The following NPAS2 variants were observed in gnomAD, a reference collection of about 807,000 sequenced individuals.
NPAS2 encodes neuronal PAS domain-containing protein 2.
In NPAS2, 23 loss-of-function variants were observed where a neutral mutation model predicts 107.5. The observed-to-expected ratio is 0.21, with a 90% CI of 0.15 to 0.30. The LOEUF is 0.30. NPAS2 is among the 10% of genes least tolerant of loss of function. NPAS2 has a pLI of 1.00. For missense variants in NPAS2, 756 were observed against 1,043.3 expected (o/e 0.72, Z 3.79); for synonymous variants, 403 against 417.5 (o/e 0.97, Z 0.42).
At chr2:100,861,188 G>A (rs1228299648) in intron 1 of NPAS2, among the ~76,000 whole-genome samples, 3 of 152,132 alleles carry the variant, frequency 2.0e-5, no homozygotes, top group African/African-American at 7.2e-5. Context: ...TTTTCGAGAA[G>A]AGTGAGGCAC....
chr2:100,938,410 G>T (rs75349010), intron 5 of NPAS2, among the ~76,000 whole-genome samples: 3,560 of 152,210 alleles, frequency 0.023, 57 homozygotes, highest in Non-Finnish European at 0.039. Flanking sequence ...TGGACCAGGA[G>T]AGGGTCGGCT....
chr2:100,869,808 G>A (rs920391762), intron 1 of NPAS2, among the ~76,000 whole-genome samples: 3 of 151,998 alleles, frequency 2.0e-5, no homozygotes, highest in Admixed American at 6.6e-5. Flanking sequence ...GGCTTGGGCC[G>A]GGGCTCCCCT....
intron 15 of NPAS2, among the ~76,000 whole-genome samples, chr2:100,978,919 C>A (rs1234551342): frequency 6.6e-6 from 1 of 152,108 alleles, no homozygotes; most frequent in Non-Finnish European, 1.5e-5. Flanking sequence ...AGTGACAAAC[C>A]CTGCCCAGGC....
intron 2 of NPAS2, among the ~76,000 whole-genome samples, chr2:100,915,934 G>A (rs1156269593): frequency 3.9e-4 from 59 of 152,122 alleles, no homozygotes; most frequent in Admixed American, 3.8e-3. Context: ...TAGTACATAA[G>A]ACAATTGCAG....
At chr2:100,897,022 CG>C (rs1681455495) in intron 1 of NPAS2, among the ~76,000 whole-genome samples, 1 of 152,074 alleles carries the variant, frequency 6.6e-6, no homozygotes, top group African/African-American at 2.4e-5. Context: ...ACAATCATGG[CG>C]GAAGGGGAAG....
At chr2:100,827,929 T>C (rs547799477) in intron 1 of NPAS2, among the ~76,000 whole-genome samples, 2 of 152,344 alleles carry the variant, frequency 1.3e-5, no homozygotes, top group African/African-American at 4.8e-5. Flanking sequence ...TAGATACTAC[T>C]ATCAGTAGTG....
At chr2:100,886,584 C>T (rs572142145) in intron 1 of NPAS2, among the ~76,000 whole-genome samples, 19 of 152,152 alleles carry the variant, frequency 1.2e-4, no homozygotes, top group South Asian at 4.1e-4. Context: ...GTTCTCAGGT[C>T]TCACAGATGG....
chr2:100,979,494 ATATATATATTTT>A (rs1248320121), intron 15 of NPAS2, among the ~76,000 whole-genome samples: 4,983 of 72,266 alleles, frequency 0.069, 91 homozygotes, highest in East Asian at 0.2. Flanking sequence ...ATATATATAT[ATATATATATTTT>A]TTTTTTTTTT....
At chr2:100,952,057 C>A (rs1448973065) in intron 7 of NPAS2, among the ~76,000 whole-genome samples, 1 of 147,676 alleles carries the variant, frequency 6.8e-6, no homozygotes, top group Non-Finnish European at 1.5e-5. Flanking sequence ...GAGGCTGAGG[C>A]AGAAGAATGG....
chr2:100,990,109 A>G, intron 17 of NPAS2, 147 bp from the exon 18 acceptor site: 2 of 739,858 alleles, frequency 2.7e-6, no homozygotes, highest in South Asian at 3.4e-5. Context: ...GAAGACAGTC[A>G]CAGATCAAAG....
chr2:100,947,325 C>T (rs961326406), intron 5 of NPAS2, among the ~76,000 whole-genome samples: 11 of 152,114 alleles, frequency 7.2e-5, no homozygotes, highest in South Asian at 2.1e-4. Context: ...CCGGGGTGGG[C>T]GGATCACCTG....
chr2:100,896,736 T>A (rs1359389419), intron 1 of NPAS2, among the ~76,000 whole-genome samples: 2 of 152,146 alleles, frequency 1.3e-5, no homozygotes, highest in Non-Finnish European at 2.9e-5. Context: ...ACCACGATCA[T>A]GGGGAGGTTT....
intron 1 of NPAS2, among the ~76,000 whole-genome samples, chr2:100,852,199 A>G (rs564436458): frequency 2.7e-4 from 41 of 152,166 alleles, no homozygotes; most frequent in East Asian, 7.8e-4. Flanking sequence ...GATCAAGACC[A>G]TCCTGGCTAA....
intron 1 of NPAS2, among the ~76,000 whole-genome samples, chr2:100,865,420 C>A (rs1192406508): frequency 6.6e-6 from 1 of 152,008 alleles, no homozygotes; most frequent in African/African-American, 2.4e-5. Flanking sequence ...CACTTACCTG[C>A]TATGTGTTCT....
rs369709988 is a variant in NPAS2 at position 100,845,493 on chromosome 2, C to T, written c.-23+25079C>T. ...AGAACAAACAACAGACCCAGCACACCGGTTGGCATAGGCTAGCATGGAAGC... is the reference window on the plus strand; with the variant it reads ...AGAACAAACAACAGACCCAGCACACTGGTTGGCATAGGCTAGCATGGAAGC... On this transcript the variant is annotated intron_variant, in intron 1 of 20. Coordinates refer to ENST00000335681, the MANE Select transcript of NPAS2 (RefSeq NM_002518.4). Among the ~76,000 whole-genome samples the T allele has an allele frequency of 4.1e-4, 63 of 152,302 alleles. 2 individuals carry two copies. The South Asian group carries it at 0.013, about 31-fold the overall frequency.
intron 1 of NPAS2, among the ~76,000 whole-genome samples, chr2:100,887,591 CCATA>C (rs1484940078): frequency 6.6e-6 from 1 of 152,218 alleles, no homozygotes; most frequent in African/African-American, 2.4e-5. Flanking sequence ...TATCACAGCA[CCATA>C]CAGACATGAA....
At chr2:100,910,752 T>C (rs1682492587) in intron 2 of NPAS2, among the ~76,000 whole-genome samples, 1 of 152,158 alleles carries the variant, frequency 6.6e-6, no homozygotes. Flanking sequence ...GGTCTTGAAC[T>C]CCTGACCTCA....
intron 15 of NPAS2, among the ~76,000 whole-genome samples, chr2:100,978,241 T>A (rs1677159163): frequency 6.6e-6 from 1 of 152,168 alleles, no homozygotes; most frequent in Non-Finnish European, 1.5e-5. Flanking sequence ...CACTTAGAAG[T>A]GAAAACATAC....
At chr2:100,853,859 G>A (rs976682347) in intron 1 of NPAS2, among the ~76,000 whole-genome samples, 4 of 151,912 alleles carry the variant, frequency 2.6e-5, no homozygotes, top group Admixed American at 1.3e-4. Context: ...GGGAACAAGC[G>A]CTGTGCAGCA....
Sources: allele counts gnomAD v4.1 joint callset (sites outside exome capture counted in the v4.1 genomes callset), GRCh38; gene constraint gnomAD v4.1.1; transcripts MANE v1.5; gene names NCBI Gene and HGNC (gene_info 2026-07-23, HGNC 2026-07-21).